Variants in C1QTNF3 observed in about 807,000 individuals in gnomAD.
C1QTNF3 encodes complement C1q tumor necrosis factor-related protein 3.
C1QTNF3 carries 26 observed loss-of-function variants against 32.6 expected under a neutral mutation model. The ratio of observed to expected loss-of-function variants is 0.80; its 90% CI spans 0.58 to 1.11. The LOEUF (loss-of-function observed/expected upper bound fraction) is 1.11. Among genes scored for constraint, C1QTNF3 ranks in the 50% least tolerant of loss-of-function variants. The probability of loss-of-function intolerance (pLI) is 0.00; values close to 1 mark genes in which losing one functional copy is unlikely to be tolerated. For synonymous variants in C1QTNF3, 155 were observed against 146.0 expected, an observed-to-expected ratio of 1.06 and a Z score of -0.44; for missense variants, 362 against 398.2, an observed-to-expected ratio of 0.91 and a Z score of 0.77.
chr5:34,137,645 C>A, the C1QTNF3 span, among the ~76,000 whole-genome samples: 1 of 152,210 alleles, frequency 6.6e-6, no homozygotes, highest in Non-Finnish European at 1.5e-5. Flanking sequence ...CTTAAAAGTA[C>A]ACTAAAATTC....
At chr5:34,045,540 C>T (rs1029464918), upstream of C1QTNF3, among the ~76,000 whole-genome samples, 1 of 152,164 alleles carries the variant, frequency 6.6e-6, no homozygotes, top group African/African-American at 2.4e-5. Context: ...TTTGCTTTAT[C>T]TCACTGACTT....
At chr5:34,124,292 A>T in the C1QTNF3 span, 1 of 523,744 alleles carries the variant, frequency 1.9e-6, no homozygotes, top group African/African-American at 2.0e-5. Context: ...ACATCCAAAA[A>T]CATTGCCAGA....
the C1QTNF3 span, among the ~76,000 whole-genome samples, chr5:34,170,280 T>C: frequency 1.3e-5 from 2 of 152,080 alleles, no homozygotes; most frequent in Non-Finnish European, 2.9e-5. Context: ...AAAGGCTCTG[T>C]TGTGGGGTAA....
the C1QTNF3 span, among the ~76,000 whole-genome samples, chr5:34,061,365 A>G: frequency 6.6e-6 from 1 of 152,070 alleles, no homozygotes. Context: ...TACCATTCTG[A>G]GGTCTGGAGA....
chr5:34,079,262 C>T, the C1QTNF3 span, among the ~76,000 whole-genome samples: 1 of 151,524 alleles, frequency 6.6e-6, no homozygotes, highest in Non-Finnish European at 1.5e-5. Context: ...TGGAATTCTA[C>T]CTTTTTATTT....
the C1QTNF3 span, among the ~76,000 whole-genome samples, chr5:34,141,130 T>C: frequency 6.6e-6 from 1 of 151,982 alleles, no homozygotes; most frequent in Non-Finnish European, 1.5e-5. Flanking sequence ...CCTTCTTCTT[T>C]TTTTTTTTAA....
the C1QTNF3 span, among the ~76,000 whole-genome samples, chr5:34,063,935 G>A: frequency 6.6e-6 from 1 of 152,124 alleles, no homozygotes; most frequent in Admixed American, 6.6e-5. Flanking sequence ...CGCATGCATG[G>A]GCGACTGTTA....
chr5:34,059,913 ACC>A, the C1QTNF3 span, among the ~76,000 whole-genome samples: 1 of 152,120 alleles, frequency 6.6e-6, no homozygotes, highest in Admixed American at 6.5e-5. Context: ...TGCCACAACC[ACC>A]ACTGCTCTGG....
chr5:34,169,167 A>G, the C1QTNF3 span: 1 of 152,212 alleles, frequency 6.6e-6, no homozygotes. Context: ...TGAAAAATCA[A>G]TTTCTGTTCT....
At chr5:34,034,170 C>T (rs1754682498) in intron 2 of C1QTNF3, among the ~76,000 whole-genome samples, 1 of 151,822 alleles carries the variant, frequency 6.6e-6, no homozygotes, top group Admixed American at 6.6e-5. Flanking sequence ...TTGTTTCAGG[C>T]AAAAGAAAGT....
the C1QTNF3 span, chr5:34,105,635 G>A: frequency 3.7e-4 from 56 of 152,178 alleles, no homozygotes; most frequent in East Asian, 7.1e-3. Context: ...AGCTTTGGGT[G>A]ACTGAAAGTA....
At chr5:34,177,928 G>C in the C1QTNF3 span, among the ~76,000 whole-genome samples, 1 of 151,986 alleles carries the variant, frequency 6.6e-6, no homozygotes, top group Non-Finnish European at 1.5e-5. Context: ...CAGCACTGCA[G>C]AGGTTCTATC....
chr5:34,167,661 T>C, the C1QTNF3 span: 1 of 152,146 alleles, frequency 6.6e-6, no homozygotes, highest in African/African-American at 2.4e-5. Flanking sequence ...AGGGTAAGAT[T>C]TTGTCTTCAG....
the C1QTNF3 span, among the ~76,000 whole-genome samples, chr5:34,056,473 TATATATAGAG>T: frequency 2.7e-3 from 289 of 106,868 alleles, no homozygotes; most frequent in Middle Eastern, 4.5e-3. Context: ...TATATATATA[TATATATAGAG>T]AGAGAGAGAG....
chr5:34,099,025 C>T, the C1QTNF3 span, among the ~76,000 whole-genome samples: 2 of 152,194 alleles, frequency 1.3e-5, no homozygotes, highest in Non-Finnish European at 2.9e-5. Flanking sequence ...ATATTTACTC[C>T]AGAAAATTAA....
chr5:34,179,632 A>G, the C1QTNF3 span, among the ~76,000 whole-genome samples: 18 of 151,978 alleles, frequency 1.2e-4, no homozygotes, highest in African/African-American at 4.1e-4. Context: ...CTCTAACAAC[A>G]CTCTTTCTCC....
At chr5:34,213,810 T>TATATATATATATATATATATATA in the C1QTNF3 span, among the ~76,000 whole-genome samples, 28 of 13,618 alleles carry the variant, frequency 2.1e-3, 1 homozygote, top group Admixed American at 4.5e-3. Context: ...TATATATATA[T>TATATATATATATATATATATATA]TTTTTTTTTT....
chr5:34,138,024 C>T, the C1QTNF3 span, among the ~76,000 whole-genome samples: 2 of 152,324 alleles, frequency 1.3e-5, no homozygotes, highest in African/African-American at 2.4e-5. Flanking sequence ...TTAAGACAGA[C>T]AGAGACACCA....
chr5:34,131,183 C>A, the C1QTNF3 span, among the ~76,000 whole-genome samples: 1 of 152,128 alleles, frequency 6.6e-6, no homozygotes, highest in African/African-American at 2.4e-5. Context: ...TTTAGAGTGG[C>A]TCCCTTATGG....
Sources: allele counts gnomAD v4.1 joint callset (sites outside exome capture counted in the v4.1 genomes callset), GRCh38; gene constraint gnomAD v4.1.1; transcripts MANE v1.5; gene names NCBI Gene and HGNC (gene_info 2026-07-23, HGNC 2026-07-21).